The following ARMH3 variants were observed in gnomAD, a reference collection of about 807,000 sequenced individuals.
ARMH3 encodes armadillo like helical domain containing 3.
Under a neutral mutation model 99.1 loss-of-function variants are expected in ARMH3, and 60 were observed. The observed-to-expected ratio is 0.61, with a 90% CI of 0.49 to 0.75. ARMH3 has a LOEUF of 0.75. Among genes scored for constraint, ARMH3 ranks in the 30% least tolerant of loss-of-function variants. ARMH3 has a pLI of 0.00. For synonymous variants in ARMH3, 285 were observed against 292.8 expected (o/e 0.97, Z 0.27); for missense variants, 679 against 843.1 (o/e 0.81, Z 2.41).
chr10:101,902,929 A>G (rs2068016051), intron 23 of ARMH3, among the ~76,000 whole-genome samples: 2 of 152,098 alleles, frequency 1.3e-5, no homozygotes, highest in East Asian at 3.9e-4. Context: ...TAAGAAAATG[A>G]AGCCCATGCG....
At chr10:101,973,152 A>G (rs2135911248) in intron 20 of ARMH3, among the ~76,000 whole-genome samples, 2 of 152,252 alleles carry the variant, frequency 1.3e-5, no homozygotes, top group South Asian at 4.2e-4. Flanking sequence ...CAAGGTCAGG[A>G]GTTCGAGACC....
chr10:102,029,613 G>A (rs781496303), intron 5 of ARMH3, 25 bp downstream of exon 5: 32 of 1,614,116 alleles, frequency 2.0e-5, no homozygotes, highest in Non-Finnish European at 2.5e-5. Flanking sequence ...GCCATCCACA[G>A]GCACATCTGC....
intron 23 of ARMH3, among the ~76,000 whole-genome samples, chr10:101,929,074 C>G (rs932402219): frequency 1.3e-5 from 2 of 152,150 alleles, no homozygotes; most frequent in Non-Finnish European, 2.9e-5. Context: ...AGAATGTCTT[C>G]TACAAACCAT....
chr10:101,911,616 A>G (rs1307473424), intron 23 of ARMH3, among the ~76,000 whole-genome samples: 1 of 152,198 alleles, frequency 6.6e-6, no homozygotes, highest in Non-Finnish European at 1.5e-5. Flanking sequence ...CTGTAGTCCC[A>G]GCTACTCAGG....
chr10:102,042,895 A>T (rs2067457390), intron 1 of ARMH3, among the ~76,000 whole-genome samples: 1 of 152,208 alleles, frequency 6.6e-6, no homozygotes, highest in South Asian at 2.1e-4. Context: ...CAACATGCAG[A>T]AACCCCGTCT....
intron 23 of ARMH3, among the ~76,000 whole-genome samples, chr10:101,938,371 G>A (rs550557124): frequency 6.6e-6 from 1 of 152,320 alleles, no homozygotes; most frequent in Non-Finnish European, 1.5e-5. Flanking sequence ...GTCGGAAAAA[G>A]GAGAGGTCAA....
At chr10:102,009,879 G>GT in intron 12 of ARMH3, 98 bp downstream of exon 12, 2 of 1,175,726 alleles carry the variant, frequency 1.7e-6, no homozygotes, top group Non-Finnish European at 2.5e-6. Flanking sequence ...GTATGATTCT[G>GT]TAAAAGATTA....
intron 2 of ARMH3, among the ~76,000 whole-genome samples, chr10:102,037,075 T>C (rs1202696079): frequency 6.6e-6 from 1 of 151,170 alleles, no homozygotes; most frequent in African/African-American, 2.4e-5. Context: ...AAATAAATAA[T>C]TGATTAATTA....
At chr10:102,038,104 T>C (rs1292798239) in intron 2 of ARMH3, among the ~76,000 whole-genome samples, 1 of 144,580 alleles carries the variant, frequency 6.9e-6, no homozygotes, top group Non-Finnish European at 1.5e-5. Flanking sequence ...TTTTTTTTTT[T>C]TTTTTTTTGA....
chr10:101,876,657 CAT>C (rs1246676035), intron 24 of ARMH3, among the ~76,000 whole-genome samples: 1 of 152,180 alleles, frequency 6.6e-6, no homozygotes, highest in Non-Finnish European at 1.5e-5. Flanking sequence ...CATAATGACA[CAT>C]GTGGCCTCTG....
intron 24 of ARMH3, among the ~76,000 whole-genome samples, chr10:101,868,183 CAGA>C (rs1427451917): frequency 2.0e-5 from 3 of 152,124 alleles, no homozygotes; most frequent in Non-Finnish European, 4.4e-5. Flanking sequence ...GAGGAATAAA[CAGA>C]AGAAGACATG....
intron 13 of ARMH3, among the ~76,000 whole-genome samples, chr10:102,007,840 A>C (rs1164153656): frequency 7.0e-6 from 1 of 142,864 alleles, no homozygotes; most frequent in Non-Finnish European, 1.5e-5. Context: ...CTCCAAAAAA[A>C]AAAAAAAAAA....
chr10:101,914,203 C>A (rs1842982961), intron 23 of ARMH3, among the ~76,000 whole-genome samples: 1 of 151,924 alleles, frequency 6.6e-6, no homozygotes, highest in Admixed American at 6.6e-5. Flanking sequence ...AGATATGATA[C>A]CCGAGCTGGG....
intron 23 of ARMH3, among the ~76,000 whole-genome samples, chr10:101,916,650 G>C (rs1446335775): frequency 6.6e-6 from 1 of 152,086 alleles, no homozygotes; most frequent in Non-Finnish European, 1.5e-5. Flanking sequence ...CAACTTGACT[G>C]GATTAAGGGA....
rs565597051 is a variant in ARMH3 at position 101,847,226 on chromosome 10, C to T, written c.*302G>A. ...GCTCCCGAAAATTAGTCAGTAGCTA[C>T]AGCTTGTAACCTCAAGATTGGAAAT... is the stretch of plus-strand genomic sequence containing the variant. On this transcript the variant is annotated 3_prime_UTR_variant, in exon 26 of 26. Coordinates refer to ENST00000370033, the MANE Select transcript of ARMH3 (RefSeq NM_024541.3). The T allele has an allele frequency of 7.2e-4, 226 of 312,944 alleles. 1 individual carries two copies. Among genetic ancestry groups the T allele is most frequent in the Non-Finnish European group, 1.1e-3 (181 of 163,926 alleles). The allele number at this position is 312,944 out of a possible 1,614,324, so 19.4% of individuals were successfully genotyped here. A position where few individuals can be genotyped will look rare whatever the true frequency, so the allele number is the denominator to read the frequency against.
At chr10:102,026,128 G>A (rs2066996461) in intron 5 of ARMH3, among the ~76,000 whole-genome samples, 1 of 152,094 alleles carries the variant, frequency 6.6e-6, no homozygotes, top group Non-Finnish European at 1.5e-5. Context: ...AAAGCCAGCT[G>A]ACAAATCCAA....
At chr10:101,888,501 T>C (rs2067606564) in intron 24 of ARMH3, among the ~76,000 whole-genome samples, 1 of 152,208 alleles carries the variant, frequency 6.6e-6, no homozygotes, top group African/African-American at 2.4e-5. Flanking sequence ...GGTGCTTCAC[T>C]GGGAGAACTG....
At chr10:101,930,398 T>C (rs897900338) in intron 23 of ARMH3, among the ~76,000 whole-genome samples, 4 of 150,886 alleles carry the variant, frequency 2.7e-5, no homozygotes, top group Non-Finnish European at 5.9e-5. Flanking sequence ...ACTTATTAGG[T>C]TGGTGCAAAA....
At chr10:101,944,326 A>T (rs1439824316) in intron 22 of ARMH3, among the ~76,000 whole-genome samples, 67 of 117,078 alleles carry the variant, frequency 5.7e-4, no homozygotes, top group Admixed American at 2.7e-3. Context: ...AGAGAGAGAG[A>T]GAGTCCAAAC....
Sources: allele counts gnomAD v4.1 joint callset (sites outside exome capture counted in the v4.1 genomes callset), GRCh38; gene constraint gnomAD v4.1.1; transcripts MANE v1.5; gene names NCBI Gene and HGNC (gene_info 2026-07-23, HGNC 2026-07-21).